The following COL21A1 variants were observed in gnomAD, a reference collection of about 807,000 sequenced individuals.
COL21A1 encodes collagen type XXI alpha 1 chain, also known as collagen alpha-1(XXI) chain.
In COL21A1, 149 loss-of-function variants were observed where a neutral mutation model predicts 137.9. That is an observed-to-expected ratio of 1.08 (90% CI 0.95 to 1.24). The LOEUF (loss-of-function observed/expected upper bound fraction) is 1.24, where lower values mean the gene tolerates loss of function less well. Among genes scored for constraint, COL21A1 ranks in the 50% most tolerant of loss-of-function variants. COL21A1 has a pLI of 0.00. For synonymous variants in COL21A1, 456 were observed against 391.5 expected (o/e 1.16, Z -1.95); for missense variants, 1,167 against 1,158.4 (o/e 1.01, Z -0.11).
chr6:56,158,950 C>T lies in COL21A1; in HGVS notation c.1372-2001G>A, dbSNP rs1032901334. ...TTTGTAATTCTAATCCAAGGACTTGCAGTGGTGGCTGGGCATTAGGAAACA... is the reference window on the plus strand; with the variant it reads ...TTTGTAATTCTAATCCAAGGACTTGTAGTGGTGGCTGGGCATTAGGAAACA... On this transcript the variant is annotated intron_variant, in intron 9 of 29. Coordinates refer to ENST00000244728, the MANE Select transcript of COL21A1 (RefSeq NM_030820.4). Among the ~76,000 whole-genome samples the T allele has an allele frequency of 2.6e-5, 4 of 152,264 alleles. No individual in the cohort carries two copies. The South Asian group carries it at 8.3e-4, about 32-fold the overall frequency.
chr6:56,256,217 C>G (rs543287702), intron 1 of COL21A1, among the ~76,000 whole-genome samples: 232 of 152,286 alleles, frequency 1.5e-3, no homozygotes, highest in African/African-American at 5.4e-3. Flanking sequence ...CTTCTCAGCT[C>G]CAGCTAGTCT....
At chr6:56,329,597 T>C (rs945902615) in intron 1 of COL21A1, among the ~76,000 whole-genome samples, 3 of 152,148 alleles carry the variant, frequency 2.0e-5, no homozygotes, top group East Asian at 3.9e-4. Context: ...GTTTTTCAGC[T>C]GAGAACATGC....
chr6:56,190,556 T>C (rs956907071), intron 1 of COL21A1, among the ~76,000 whole-genome samples: 14 of 151,902 alleles, frequency 9.2e-5, no homozygotes, highest in Non-Finnish European at 1.3e-4. Flanking sequence ...TTCCAAACAA[T>C]AGAAAAAGAG....
At chr6:56,172,973 G>T (rs1172481603) in intron 3 of COL21A1, among the ~76,000 whole-genome samples, 1 of 151,410 alleles carries the variant, frequency 6.6e-6, no homozygotes, top group Non-Finnish European at 1.5e-5. Flanking sequence ...GACAGTAAAA[G>T]AAAAAAAGAG....
At chr6:56,144,059 T>C (rs935837562) in intron 10 of COL21A1, among the ~76,000 whole-genome samples, 1 of 152,240 alleles carries the variant, frequency 6.6e-6, no homozygotes, top group Non-Finnish European at 1.5e-5. Flanking sequence ...TCTACTACTC[T>C]AGTTATCACT....
chr6:56,328,505 T>C (rs999984015), intron 1 of COL21A1, among the ~76,000 whole-genome samples: 2 of 152,078 alleles, frequency 1.3e-5, no homozygotes, highest in Non-Finnish European at 2.9e-5. Flanking sequence ...TGATTATATA[T>C]CTGTCTTCTA....
chr6:56,113,203 G>A (rs921314771), intron 16 of COL21A1, among the ~76,000 whole-genome samples: 2 of 152,186 alleles, frequency 1.3e-5, no homozygotes, highest in Admixed American at 6.5e-5. Flanking sequence ...AACATACTGA[G>A]ACCCACATTG....
intron 18 of COL21A1, among the ~76,000 whole-genome samples, chr6:56,075,903 A>C (rs1207741127): frequency 6.6e-6 from 1 of 151,496 alleles, no homozygotes; most frequent in East Asian, 1.9e-4. Context: ...AGACTAAAAA[A>C]ATAACAGCAT....
intron 16 of COL21A1, among the ~76,000 whole-genome samples, chr6:56,108,864 A>G (rs866457993): frequency 2.6e-5 from 4 of 151,916 alleles, no homozygotes; most frequent in African/African-American, 9.7e-5. Flanking sequence ...AAAACTTATA[A>G]AGAAGAAATT....
chr6:56,081,640 T>G (rs1039062702), intron 17 of COL21A1, among the ~76,000 whole-genome samples: 1 of 151,892 alleles, frequency 6.6e-6, no homozygotes, highest in Non-Finnish European at 1.5e-5. Flanking sequence ...TAACTTACAC[T>G]CGCAGTTGCC....
chr6:56,144,883 C>T (rs1301256073), intron 10 of COL21A1, among the ~76,000 whole-genome samples: 1 of 152,240 alleles, frequency 6.6e-6, no homozygotes, highest in Non-Finnish European at 1.5e-5. Flanking sequence ...GGCTAAGTCA[C>T]TTTGCCTAGC....
At chr6:56,127,855 A>G (rs1400141627) in intron 12 of COL21A1, among the ~76,000 whole-genome samples, 1 of 152,166 alleles carries the variant, frequency 6.6e-6, no homozygotes, top group Non-Finnish European at 1.5e-5. Flanking sequence ...GTCTTGAAGT[A>G]TTATGCTATT....
intron 1 of COL21A1, among the ~76,000 whole-genome samples, chr6:56,288,295 A>T (rs1193324314): frequency 1.3e-5 from 2 of 152,050 alleles, no homozygotes; most frequent in Non-Finnish European, 1.5e-5. Flanking sequence ...TGCATGACCC[A>T]CTAAAGGGTT....
At chr6:56,078,019 T>C in intron 17 of COL21A1, 1 of 453,528 alleles carries the variant, frequency 2.2e-6, no homozygotes, top group Non-Finnish European at 4.4e-6. Flanking sequence ...GCCTCCCACC[T>C]GAGCCTTGAA....
rs1781883092 is a variant in COL21A1, at chr6:56,236,165, C to G, written c.-39+11222G>C. Among the ~76,000 whole-genome samples the G allele has an allele frequency of 2.6e-5, 4 of 151,970 alleles. No individual in the cohort carries two copies. In the South Asian group the frequency reaches 8.3e-4, roughly 31 times the overall value. ...GTGGAGATATAAACACAAACCATCTCAAAGAAGTGGTTTCAGAATATGATG... is the reference window on the plus strand; with the variant it reads ...GTGGAGATATAAACACAAACCATCTGAAAGAAGTGGTTTCAGAATATGATG... On this transcript the variant is annotated intron_variant, in intron 1 of 29. Transcript: ENST00000244728.
At chr6:56,312,034 T>C (rs941168696) in intron 1 of COL21A1, among the ~76,000 whole-genome samples, 3 of 152,128 alleles carry the variant, frequency 2.0e-5, no homozygotes, top group Non-Finnish European at 2.9e-5. Context: ...AGCAGGGAAC[T>C]ATAAAACTAT....
At chr6:56,252,412 C>T (rs535498098), upstream of COL21A1, among the ~76,000 whole-genome samples, 15 of 152,258 alleles carry the variant, frequency 9.9e-5, no homozygotes, top group South Asian at 2.5e-3. Context: ...TCGGTTAGTG[C>T]CCTCTGGTTG....
chr6:56,131,331 A>G (rs1773541078), intron 12 of COL21A1, among the ~76,000 whole-genome samples: 1 of 151,590 alleles, frequency 6.6e-6, no homozygotes, highest in Non-Finnish European at 1.5e-5. Context: ...TATTGGAAGT[A>G]TTTGACAAGG....
chr6:56,179,658 G>C lies in COL21A1; in HGVS notation c.560C>G (p.Ser187Trp). ...TTCCACATAAAACACATAAGTAGAC[G>C]AAGGCTTGTTGGCAATAGCTCTAAG... ...AELRAIANKP[S>W]STYVFYVEDY... Residue 187 changes from serine to tryptophan, a missense_variant, in exon 3 of 30, where the codon TCG (serine) becomes TGG (tryptophan). Transcript: ENST00000244728. 6.2e-7 allele frequency: 1 copy of C among 1,613,776 alleles called. No individual in the cohort carries two copies. The highest frequency in any genetic ancestry group is 1.1e-5 in the South Asian group (1 of 91,072).
Sources: allele counts gnomAD v4.1 joint callset (sites outside exome capture counted in the v4.1 genomes callset), GRCh38; gene constraint gnomAD v4.1.1; transcripts MANE v1.5; gene names NCBI Gene and HGNC (gene_info 2026-07-23, HGNC 2026-07-21).